The following CCDC14 variants were observed in gnomAD, a reference collection of about 807,000 sequenced individuals.
CCDC14 encodes the protein coiled-coil domain-containing protein 14.
In CCDC14, 71 loss-of-function variants were observed where a neutral mutation model predicts 81.4. The ratio of observed to expected loss-of-function variants is 0.87; its 90% CI spans 0.72 to 1.06. CCDC14 has a LOEUF of 1.06. Among genes scored for constraint, CCDC14 ranks in the 50% least tolerant of loss-of-function variants. CCDC14 has a pLI of 0.00. For synonymous variants in CCDC14, 332 were observed against 364.8 expected (o/e 0.91, Z 1.03); for missense variants, 1,046 against 1,047.3 (o/e 1.00, Z 0.02).
rs550533973 is a variant in CCDC14 at position 123,916,715 on chromosome 3, G to A, written c.1779-997C>T. Among the ~76,000 whole-genome samples, 4 of 152,104 alleles carry A rather than the reference G, an allele frequency of 2.6e-5. No homozygotes were observed. In the South Asian group the frequency reaches 8.3e-4, roughly 32 times the overall value. On this transcript the variant is annotated intron_variant, in intron 12 of 12. Transcript: ENST00000409697. ...TCAGCTGTAAAATGAAGATATTTCC[G>A]AACTACAATGAAGATTAAATAAGAT...
At chr3:123,952,090 C>T (rs1185647830) in intron 5 of CCDC14, among the ~76,000 whole-genome samples, 2 of 152,198 alleles carry the variant, frequency 1.3e-5, no homozygotes, top group African/African-American at 2.4e-5. Flanking sequence ...ATTACACCAA[C>T]GCACTCTACA....
chr3:123,893,245 C>A (rs755974158), downstream of CCDC14, among the ~76,000 whole-genome samples: 1 of 152,176 alleles, frequency 6.6e-6, no homozygotes, highest in African/African-American at 2.4e-5. Context: ...TTTCCTCTTC[C>A]CTCCAACACC....
chr3:123,943,825 T>C (rs2036486649), intron 9 of CCDC14, among the ~76,000 whole-genome samples: 2 of 152,182 alleles, frequency 1.3e-5, no homozygotes, highest in South Asian at 2.1e-4. Context: ...AGAAGCTCCA[T>C]GCCCTTTCTC....
In CCDC14 at chr3:123,913,725, T is replaced by C. The variant is rs2034508252; in HGVS notation, c.*1054A>G. The stretch of plus-strand genomic sequence containing the variant: ...CAAAAAACACGAGGAGGTTCTGGGA[T>C]TAGGAGAACACTCTTTAATGATAAA... On this transcript the variant is annotated 3_prime_UTR_variant, in exon 13 of 13. Transcript: ENST00000409697. 1 of 981,842 alleles carries C rather than the reference T, an allele frequency of 1.0e-6. No individual in the cohort carries two copies. Among genetic ancestry groups the C allele is most frequent in the Non-Finnish European group, 1.2e-6 (1 of 829,426 alleles). 60.8% of individuals were successfully genotyped at this position (981,842 alleles called of 1,614,324 possible).
chr3:123,949,940 C>T (rs1348809649), intron 5 of CCDC14, among the ~76,000 whole-genome samples: 14 of 152,196 alleles, frequency 9.2e-5, no homozygotes, highest in Admixed American at 9.2e-4. Context: ...TCTGACTAAA[C>T]CACAAGTTTC....
rs563114395 is a variant in CCDC14 at position 123,928,235 on chromosome 3, C to T, written c.1778+2867G>A. ...GTATCTGGCCTGGCACGGTGGCTCA[C>T]GCTGGTAATCCCAGCACTTTGGGAG... On this transcript the variant is annotated intron_variant, in intron 12 of 12. Coordinates refer to ENST00000409697, the MANE Select transcript of CCDC14 (RefSeq NM_001366335.1). Among the ~76,000 whole-genome samples, 9 of 150,544 alleles carry T rather than the reference C, an allele frequency of 6.0e-5. No individual in the cohort carries two copies. In the South Asian group the frequency reaches 6.3e-4, roughly 11 times the overall value.
At chr3:123,941,964 C>T (rs2036372836) in intron 9 of CCDC14, among the ~76,000 whole-genome samples, 1 of 151,994 alleles carries the variant, frequency 6.6e-6, no homozygotes, top group African/African-American at 2.4e-5. Flanking sequence ...ATTTAAGGAA[C>T]CAATTATTTG....
intron 5 of CCDC14, among the ~76,000 whole-genome samples, chr3:123,950,933 A>C (rs1376900430): frequency 6.6e-6 from 1 of 152,160 alleles, no homozygotes; most frequent in Non-Finnish European, 1.5e-5. Flanking sequence ...TTAATACTAT[A>C]ACCAGTGAAA....
intron 12 of CCDC14, among the ~76,000 whole-genome samples, chr3:123,924,942 T>C (rs2035271992): frequency 7.2e-6 from 1 of 138,090 alleles, no homozygotes; most frequent in Non-Finnish European, 1.5e-5. Flanking sequence ...CACATATATA[T>C]GTATACATAT....
At chr3:123,928,939 G>A (rs1378410558) in intron 12 of CCDC14, among the ~76,000 whole-genome samples, 2 of 151,952 alleles carry the variant, frequency 1.3e-5, no homozygotes, top group Non-Finnish European at 2.9e-5. Flanking sequence ...CCATAGATGA[G>A]GACAAATAAA....
At chr3:123,904,919 G>T (rs2034273056) in intron 5 of CCDC14, among the ~76,000 whole-genome samples, 1 of 152,100 alleles carries the variant, frequency 6.6e-6, no homozygotes, top group South Asian at 2.1e-4. Flanking sequence ...GATGAATGGG[G>T]GGAGAAAGGA....
chr3:123,886,873 A>T, the CCDC14 span, among the ~76,000 whole-genome samples: 1 of 152,094 alleles, frequency 6.6e-6, no homozygotes, highest in East Asian at 1.9e-4. Flanking sequence ...TCATCAGTTT[A>T]TATTATTTCC....
In CCDC14 at chr3:123,915,007, A is replaced by T; in HGVS notation, c.2490T>A (p.Thr830=). 6.2e-7 allele frequency: 1 copy of T among 1,614,038 alleles called. No individual in the cohort carries two copies. Among genetic ancestry groups the T allele is most frequent in the East Asian group, 2.2e-5 (1 of 44,884 alleles). ...PAATKEPEEQ[T]ACHGPSGCLS... ...GACAACCTGATGGGCCATGACATGC[A>T]GTTTGTTCCTCTGGCTCCTTGGTGG... The change falls in exon 13 of 13, where the codon ACT becomes ACA. Residue 830 remains threonine, a synonymous_variant. Transcript: ENST00000409697.
chr3:123,894,501 G>T (rs981095737), downstream of CCDC14, among the ~76,000 whole-genome samples: 1 of 152,128 alleles, frequency 6.6e-6, no homozygotes, highest in Non-Finnish European at 1.5e-5. Context: ...ATAACATTGG[G>T]ATTTTAATAG....
chr3:123,911,356 C>A (rs1423148042), downstream of CCDC14, among the ~76,000 whole-genome samples: 2 of 152,030 alleles, frequency 1.3e-5, no homozygotes, highest in Non-Finnish European at 2.9e-5. Context: ...TTAAGGTATG[C>A]TATAGTCTTA....
chr3:123,897,708 CT>C, intron 5 of CCDC14: 1 of 542,258 alleles, frequency 1.8e-6, no homozygotes, highest in Non-Finnish European at 2.5e-6. Flanking sequence ...TCATATTCTA[CT>C]TTTATAAACC....
intron 12 of CCDC14, among the ~76,000 whole-genome samples, chr3:123,927,430 G>T (rs2035434761): frequency 6.6e-6 from 1 of 151,874 alleles, no homozygotes; most frequent in African/African-American, 2.4e-5. Context: ...ACAAAAAAAA[G>T]TATAAAACTG....
intron 1 of CCDC14, chr3:123,957,049 G>A (rs1184370136): frequency 1.1e-5 from 3 of 261,488 alleles, no homozygotes; most frequent in East Asian, 8.0e-5. Flanking sequence ...TTTTGTGACT[G>A]GCTTATTTCA....
At chr3:123,903,322 ACACACAC>A (rs2034219343) in intron 5 of CCDC14, among the ~76,000 whole-genome samples, 1 of 143,918 alleles carries the variant, frequency 6.9e-6, no homozygotes, top group African/African-American at 2.5e-5. Flanking sequence ...ACACACACAC[ACACACAC>A]ACACACACAC....
Sources: allele counts gnomAD v4.1 joint callset (sites outside exome capture counted in the v4.1 genomes callset), GRCh38; gene constraint gnomAD v4.1.1; transcripts MANE v1.5; gene names NCBI Gene and HGNC (gene_info 2026-07-23, HGNC 2026-07-21).